KAZN: variants seen among roughly 807,000 people sequenced by gnomAD.
KAZN encodes kazrin.
KAZN carries 40 observed loss-of-function variants against 87.4 expected under a neutral mutation model. The ratio of observed to expected loss-of-function variants is 0.46; its 90% confidence interval spans 0.36 to 0.60. The LOEUF is 0.60. Ranked by LOEUF, KAZN falls within the 20% of genes least tolerant of loss-of-function variation. The probability of loss-of-function intolerance (pLI) is 0.00; values close to 1 mark genes in which losing one functional copy is unlikely to be tolerated. For missense variants in KAZN, 898 were observed against 1,073.9 expected (o/e 0.84, Z 2.29); for synonymous variants, 466 against 458.3 (o/e 1.02, Z -0.22).
chr1:14,477,086 A>T (rs1668773552), intron 2 of KAZN, among the ~76,000 whole-genome samples: 1 of 152,180 alleles, frequency 6.6e-6, no homozygotes, highest in South Asian at 2.1e-4. Context: ...CTCATCTTGA[A>T]TTGTAACTCC....
At chr1:15,031,606 C>G (rs901174419) in intron 2 of KAZN, among the ~76,000 whole-genome samples, 3 of 61,200 alleles carry the variant, frequency 4.9e-5, no homozygotes, top group African/African-American at 1.5e-4. Context: ...TGTTGGTTTG[C>G]TTTGGTTTGG....
chr1:14,109,816 T>TGGAG (rs1291749271), intron 1 of KAZN, among the ~76,000 whole-genome samples: 707 of 147,072 alleles, frequency 4.8e-3, no homozygotes, highest in East Asian at 0.01. Flanking sequence ...ATCAAAACGA[T>TGGAG]TTCAGCGTCA....
chr1:13,920,932 CGCTGT>C (rs1452338610), intron 1 of KAZN, among the ~76,000 whole-genome samples: 1 of 152,140 alleles, frequency 6.6e-6, no homozygotes, highest in East Asian at 1.9e-4. Context: ...GATGCTCCTG[CGCTGT>C]CACTTGTCAG....
At position 13,950,377 on chromosome 1, in the gene KAZN, C is replaced by T. The variant is rs1641300237; in HGVS notation, c.91+56621C>T. Among the ~76,000 whole-genome samples, 4 of 152,328 alleles carry T rather than the reference C, an allele frequency of 2.6e-5. No homozygotes were observed. In the South Asian group the frequency reaches 8.3e-4, roughly 32 times the overall value. The stretch of plus-strand genomic sequence containing the variant: ...GTACCCATTTCTGGGATTTGATGGT[C>T]TCTCCTATCAGACTGTCAGCTCCAT... On this transcript the variant is annotated intron_variant, in intron 1 of 16. Coordinates refer to the KAZN transcript ENST00000636203.
chr1:13,969,260 T>C (rs1017431774), intron 1 of KAZN, among the ~76,000 whole-genome samples: 1 of 152,182 alleles, frequency 6.6e-6, no homozygotes, highest in African/African-American at 2.4e-5. Context: ...GAGTGCAAAT[T>C]TATTTGGAAA....
chr1:14,148,959 GA>G (rs1432100864), intron 1 of KAZN, among the ~76,000 whole-genome samples: 10 of 152,122 alleles, frequency 6.6e-5, no homozygotes, highest in African/African-American at 1.2e-4. Flanking sequence ...GTCGGGTAAA[GA>G]CTAGCTGTAG....
intron 2 of KAZN, among the ~76,000 whole-genome samples, chr1:14,472,720 T>C (rs1403615287): frequency 1.3e-5 from 2 of 152,024 alleles, no homozygotes; most frequent in Non-Finnish European, 2.9e-5. Flanking sequence ...CTTGATTCCC[T>C]GAGATCTTTG....
rs111735239 is a variant in KAZN, at chr1:13,905,347, C to T, written c.91+11591C>T. On this transcript the variant is annotated intron_variant, in intron 1 of 16. Coordinates refer to the KAZN transcript ENST00000636203. ...AATTTTATCTGTGAGATGTTATTAC[C>T]GTAGGTAATGTTAATTTCCAGGCTG... 7.5e-4 allele frequency among the ~76,000 whole-genome samples: 114 copies of T among 152,272 alleles called. 1 individual carries two copies. Among genetic ancestry groups the T allele is most frequent in the African/African-American group, 2.6e-3 (110 of 41,554 alleles).
chr1:14,034,246 T>G lies in KAZN; in HGVS notation c.91+140490T>G, dbSNP rs527590023. Among the ~76,000 whole-genome samples the G allele has an allele frequency of 2.0e-5, 3 of 152,280 alleles. No individual in the cohort carries two copies. In the East Asian group the frequency reaches 5.8e-4, roughly 29 times the overall value. ...AAGAAGTGTTCATTATCACAGCCAA[T>G]TTAGATGTAGGAGGATACAAGCTGG... On this transcript the variant is annotated intron_variant, in intron 1 of 16. Transcript: ENST00000636203.
chr1:15,008,985 C>T (rs1165650693), intron 2 of KAZN, among the ~76,000 whole-genome samples: 1 of 152,214 alleles, frequency 6.6e-6, no homozygotes, highest in East Asian at 1.9e-4. Flanking sequence ...TAAGAGGTCA[C>T]ATACTTTTCT....
intron 14 of KAZN, chr1:15,113,511 C>T (rs1641729812): frequency 6.6e-6 from 1 of 152,116 alleles, no homozygotes; most frequent in East Asian, 1.9e-4. Context: ...AGTTACAAAG[C>T]ACTAATGTGA....
At chr1:14,209,801 G>C (rs971471829) in intron 2 of KAZN, among the ~76,000 whole-genome samples, 1 of 152,140 alleles carries the variant, frequency 6.6e-6, no homozygotes, top group African/African-American at 2.4e-5. Flanking sequence ...ATGCAAAGGT[G>C]GCCTACATCA....
intron 4 of KAZN, among the ~76,000 whole-genome samples, chr1:15,047,707 G>A (rs1244587023): frequency 6.6e-6 from 1 of 152,082 alleles, no homozygotes; most frequent in East Asian, 1.9e-4. Flanking sequence ...GAAGGCAGAG[G>A]TTGCACTGAG....
chr1:14,180,947 G>T (rs1488363486), intron 2 of KAZN, among the ~76,000 whole-genome samples: 1 of 152,142 alleles, frequency 6.6e-6, no homozygotes, highest in Non-Finnish European at 1.5e-5. Context: ...GTCCCAAACA[G>T]CATAAGTAAC....
chr1:14,827,824 G>A (rs1286358436), intron 1 of KAZN, among the ~76,000 whole-genome samples: 2 of 152,240 alleles, frequency 1.3e-5, no homozygotes, highest in African/African-American at 4.8e-5. Context: ...TCCACTCAAG[G>A]ATCCCCTGGC....
chr1:14,188,947 A>G (rs1272667595), intron 2 of KAZN, among the ~76,000 whole-genome samples: 1 of 152,184 alleles, frequency 6.6e-6, no homozygotes, highest in East Asian at 1.9e-4. Context: ...TCTTAAAAAA[A>G]TTGCACTTAG....
chr1:14,733,249 C>T (rs1237170278), intron 1 of KAZN, among the ~76,000 whole-genome samples: 1 of 152,230 alleles, frequency 6.6e-6, no homozygotes, highest in South Asian at 2.1e-4. Flanking sequence ...TCCCGGCAGC[C>T]TGTGCTTGGA....
chr1:14,280,144 C>A (rs1239036869), intron 2 of KAZN, among the ~76,000 whole-genome samples: 2 of 151,876 alleles, frequency 1.3e-5, no homozygotes, highest in East Asian at 3.9e-4. Flanking sequence ...GGGTGGATCA[C>A]AAGGTCAAGA....
At chr1:14,404,991 ATTCT>A (rs1263838443) in intron 2 of KAZN, among the ~76,000 whole-genome samples, 2 of 152,180 alleles carry the variant, frequency 1.3e-5, no homozygotes, top group African/African-American at 4.8e-5. Flanking sequence ...GCCTTTGTGC[ATTCT>A]TTATGTTTTC....
Sources: gnomAD v4.1 joint callset for allele counts (sites outside exome capture counted in the v4.1 genomes callset) on GRCh38, gnomAD v4.1.1 for gene constraint, MANE v1.5 for transcripts, NCBI Gene and HGNC (gene_info 2026-07-23, HGNC 2026-07-21) for gene names.